Variants in IL1RAPL1 observed in about 807,000 individuals in gnomAD.
IL1RAPL1 encodes the protein interleukin 1 receptor accessory protein like 1, also known as interleukin-1 receptor accessory protein-like 1.
Under a neutral mutation model 48.4 loss-of-function variants are expected in IL1RAPL1, and 3 were observed. The ratio of observed to expected loss-of-function variants is 0.06; its 90% CI spans 0.03 to 0.16. IL1RAPL1 has a LOEUF of 0.16. Ranked by LOEUF, IL1RAPL1 falls within the 10% of genes least tolerant of loss-of-function variation. The pLI is 1.00. For missense variants in IL1RAPL1, 349 were observed against 530.6 expected (o/e 0.66, Z 3.36); for synonymous variants, 185 against 187.7 (o/e 0.99, Z 0.12).
chrX:29,415,184 C>A (rs942089109), intron 5 of IL1RAPL1, among the ~76,000 whole-genome samples: 2 of 111,285 alleles, frequency 1.8e-5, no homozygotes, highest in African/African-American at 6.5e-5. Context: ...TTATTCCATG[C>A]AAACTCGTTA....
intron 1 of IL1RAPL1, among the ~76,000 whole-genome samples, chrX:28,729,648 G>A (rs777862762): frequency 1.8e-5 from 2 of 110,506 alleles, no homozygotes; most frequent in South Asian, 3.8e-4. Flanking sequence ...TCTGAAAATG[G>A]GAAGCTAACT....
intron 1 of IL1RAPL1, among the ~76,000 whole-genome samples, chrX:28,737,152 T>C (rs200598702): frequency 3.3e-5 from 1 of 30,616 alleles, no homozygotes; most frequent in Admixed American, 5.1e-4. Flanking sequence ...CTTCCTTCCT[T>C]CCTTCCTTCC....
At chrX:29,118,589 C>T (rs914306854) in intron 2 of IL1RAPL1, among the ~76,000 whole-genome samples, 2 of 111,517 alleles carry the variant, frequency 1.8e-5, no homozygotes, top group Non-Finnish European at 3.8e-5. Context: ...CTATAAATTT[C>T]CCCTTATCTG....
intron 2 of IL1RAPL1, among the ~76,000 whole-genome samples, chrX:28,825,887 T>C (rs1235708438): frequency 2.7e-5 from 3 of 111,204 alleles, no homozygotes; most frequent in Non-Finnish European, 5.7e-5. Context: ...ATAATATAAA[T>C]TGGTAAGACT....
chrX:29,805,234 C>T (rs1004516810), intron 6 of IL1RAPL1, among the ~76,000 whole-genome samples: 2 of 111,935 alleles, frequency 1.8e-5, no homozygotes, highest in African/African-American at 3.2e-5. Flanking sequence ...TGCAGCATTA[C>T]ACTGGGACAC....
At chrX:29,562,116 A>ATCTATCTATCTG (rs1401805890) in intron 5 of IL1RAPL1, among the ~76,000 whole-genome samples, 19 of 18,954 alleles carry the variant, frequency 1.0e-3, no homozygotes, top group Non-Finnish European at 1.3e-3. Flanking sequence ...TATCTATCTA[A>ATCTATCTATCTG]TCTATCTATC....
intron 1 of IL1RAPL1, among the ~76,000 whole-genome samples, chrX:28,724,155 C>T (rs1045421403): frequency 2.7e-5 from 3 of 111,431 alleles, no homozygotes; most frequent in Non-Finnish European, 5.6e-5. Context: ...TCCTTATTAA[C>T]TTTCTGTCTC....
At chrX:29,825,461 C>T (rs1317220941) in intron 6 of IL1RAPL1, among the ~76,000 whole-genome samples, 1 of 111,758 alleles carries the variant, frequency 8.9e-6, no homozygotes, top group Non-Finnish European at 1.9e-5. Flanking sequence ...TTTCCTTTCT[C>T]TAGATTTCTT....
chrX:29,781,294 A>G (rs1016390094), intron 6 of IL1RAPL1, among the ~76,000 whole-genome samples: 24 of 112,011 alleles, frequency 2.1e-4, no homozygotes, highest in Non-Finnish European at 3.8e-5. Flanking sequence ...AAATCAGGAC[A>G]CAGAGAAGGG....
chrX:29,552,768 C>T lies in IL1RAPL1; in HGVS notation c.704-115662C>T, dbSNP rs1305440713. ...GCAAATACTTTTAAACTGAAAATCC[C>T]GGTGTACTAAGTTCATTCATGTTTT... On this transcript the variant is annotated intron_variant, in intron 5 of 10. Coordinates refer to ENST00000378993, the MANE Select transcript of IL1RAPL1 (RefSeq NM_014271.4). Among the ~76,000 whole-genome samples the T allele has an allele frequency of 1.1e-4, 11 of 100,360 alleles. 1 individual carries two copies. The highest frequency in any genetic ancestry group is 1.4e-4 in the Non-Finnish European group (7 of 50,384). 87.2% of individuals were successfully genotyped at this position (100,360 alleles called of 115,157 possible). A position where few individuals can be genotyped will look rare whatever the true frequency, so the allele number is the denominator to read the frequency against.
At chrX:28,956,694 G>A (rs1195767572) in intron 2 of IL1RAPL1, among the ~76,000 whole-genome samples, 2 of 108,308 alleles carry the variant, frequency 1.8e-5, no homozygotes, top group South Asian at 4.2e-4. Context: ...TTGCATCAAT[G>A]TTCATCAAGG....
chrX:28,787,637 C>T (rs1487876037), intron 1 of IL1RAPL1, among the ~76,000 whole-genome samples: 2 of 111,429 alleles, frequency 1.8e-5, no homozygotes, highest in African/African-American at 3.3e-5. Flanking sequence ...CACCTTGCCA[C>T]AGGTGAATGG....
intron 6 of IL1RAPL1, among the ~76,000 whole-genome samples, chrX:29,817,708 A>G (rs1478246504): frequency 8.9e-6 from 1 of 111,868 alleles, no homozygotes; most frequent in Admixed American, 9.5e-5. Flanking sequence ...ATTCCGATTG[A>G]TTAAAATAAG....
chrX:29,175,981 T>C (rs1319997041), intron 2 of IL1RAPL1, among the ~76,000 whole-genome samples: 1 of 110,451 alleles, frequency 9.1e-6, no homozygotes, highest in Admixed American at 9.7e-5. Flanking sequence ...GCTAAAACTT[T>C]AGCCTGCATC....
intron 5 of IL1RAPL1, among the ~76,000 whole-genome samples, chrX:29,493,395 A>G (rs990707069): frequency 8.9e-6 from 1 of 112,589 alleles, no homozygotes; most frequent in Non-Finnish European, 1.9e-5. Context: ...GTATAATCCA[A>G]TGTAAATACG....
chrX:28,900,191 T>C (rs1453574802), intron 2 of IL1RAPL1, among the ~76,000 whole-genome samples: 2 of 112,067 alleles, frequency 1.8e-5, no homozygotes, highest in Admixed American at 1.9e-4. Flanking sequence ...TGAGGAATAA[T>C]AGCTGTTCTG....
intron 2 of IL1RAPL1, among the ~76,000 whole-genome samples, chrX:29,217,733 C>A (rs1283181057): frequency 9.6e-6 from 1 of 103,947 alleles, no homozygotes; most frequent in African/African-American, 3.5e-5. Flanking sequence ...CACAAATCAT[C>A]TATATTAAAA....
At chrX:28,949,623 T>C (rs1246863755) in intron 2 of IL1RAPL1, among the ~76,000 whole-genome samples, 12 of 111,225 alleles carry the variant, frequency 1.1e-4, no homozygotes, top group African/African-American at 1.6e-4. Flanking sequence ...TTTTTAATGA[T>C]TGTCATTCTA....
rs141732412 is a variant in IL1RAPL1, at chrX:29,272,545, T to C, written c.83-10393T>C. 5.7e-3 allele frequency among the ~76,000 whole-genome samples: 638 copies of C among 111,500 alleles called. 6 individuals are homozygous for C. The highest frequency in any genetic ancestry group is 0.02 in the African/African-American group (613 of 30,715). On this transcript the variant is annotated intron_variant, in intron 2 of 10. Coordinates refer to ENST00000378993, the MANE Select transcript of IL1RAPL1 (RefSeq NM_014271.4). ...CTACTGTTAGCCTCACGGGGTTCCT[T>C]TGTAGGTGACCTGCCCCTTCTCTCT...
Sources: gnomAD v4.1 joint callset for allele counts (sites outside exome capture counted in the v4.1 genomes callset) on GRCh38, gnomAD v4.1.1 for gene constraint, MANE v1.5 for transcripts, NCBI Gene and HGNC (gene_info 2026-07-23, HGNC 2026-07-21) for gene names.